The following RTL4 variants were observed in gnomAD, a reference collection of about 807,000 sequenced individuals.
RTL4 encodes retrotransposon Gag like 4, also known as retrotransposon Gag-like protein 4.
Under a neutral mutation model 5.3 loss-of-function variants are expected in RTL4, and 4 were observed. The observed-to-expected ratio is 0.75, with a 90% CI of 0.37 to 1.72. The LOEUF is 1.72. Among genes scored for constraint, RTL4 ranks in the 40% most tolerant of loss-of-function variants. The pLI is 0.04. For missense variants in RTL4, 260 were observed against 227.1 expected, an observed-to-expected ratio of 1.14 and a Z score of -0.93; for synonymous variants, 98 against 87.3, an observed-to-expected ratio of 1.12 and a Z score of -0.68.
the RTL4 span, among the ~76,000 whole-genome samples, chrX:112,329,796 A>C: frequency 2.7e-5 from 3 of 111,508 alleles, no homozygotes; most frequent in South Asian, 7.6e-4. Flanking sequence ...CAGCACATCA[A>C]AAAGCTTATC....
chrX:112,353,328 A>C, the RTL4 span, among the ~76,000 whole-genome samples: 4 of 111,625 alleles, frequency 3.6e-5, no homozygotes, highest in African/African-American at 1.3e-4. Context: ...CCATCCTATT[A>C]CTGGGCATAT....
exon 1 of RTL4, chrX:112,456,972 A>C (rs1926855967): frequency 8.1e-6 from 1 of 123,263 alleles, no homozygotes; most frequent in Non-Finnish European, 1.9e-5. Context: ...ACTCCCTAAA[A>C]TGTTAAAACT....
chrX:112,259,948 A>G, the RTL4 span, among the ~76,000 whole-genome samples: 1 of 112,150 alleles, frequency 8.9e-6, no homozygotes, highest in South Asian at 3.7e-4. Flanking sequence ...TTGGATTATT[A>G]TAGAAGGGAA....
At chrX:112,410,622 T>C in the RTL4 span, among the ~76,000 whole-genome samples, 3 of 111,612 alleles carry the variant, frequency 2.7e-5, no homozygotes, top group Admixed American at 1.9e-4. Flanking sequence ...AACAATATGC[T>C]CCAGAATGAC....
the RTL4 span, among the ~76,000 whole-genome samples, chrX:112,226,688 C>T: frequency 1.1e-5 from 1 of 91,331 alleles, no homozygotes; most frequent in Non-Finnish European, 2.2e-5. Flanking sequence ...CATTAAATGC[C>T]CAATAAATGG....
chrX:112,096,476 G>A, the RTL4 span, among the ~76,000 whole-genome samples: 2,682 of 111,451 alleles, frequency 0.024, 95 homozygotes, highest in African/African-American at 0.083. Context: ...ATCCAGGCAC[G>A]TCAACAGCAT....
the RTL4 span, among the ~76,000 whole-genome samples, chrX:112,412,318 TAAC>T: frequency 0.15 from 16,107 of 110,764 alleles, 1,016 homozygotes; most frequent in East Asian, 0.25. Flanking sequence ...TCTATTAAAA[TAAC>T]AATGATATTC....
chrX:112,199,288 CAA>C, the RTL4 span, among the ~76,000 whole-genome samples: 632 of 34,134 alleles, frequency 0.019, 8 homozygotes, highest in African/African-American at 0.06. Flanking sequence ...GGCTCCGTCT[CAA>C]AAAAAAAAAA....
the RTL4 span, among the ~76,000 whole-genome samples, chrX:112,137,002 A>G: frequency 8.9e-6 from 1 of 111,819 alleles, no homozygotes; most frequent in Non-Finnish European, 1.9e-5. Context: ...AAGCAAAAAT[A>G]GACAAGTGAA....
the RTL4 span, among the ~76,000 whole-genome samples, chrX:112,183,225 A>C: frequency 9.6e-4 from 108 of 112,407 alleles, no homozygotes; most frequent in Non-Finnish European, 1.8e-3. Flanking sequence ...AATTGCAAAG[A>C]CCATTGACAC....
the RTL4 span, among the ~76,000 whole-genome samples, chrX:112,339,630 A>C: frequency 8.9e-6 from 1 of 112,480 alleles, no homozygotes; most frequent in African/African-American, 3.2e-5. Context: ...CAACCACCAC[A>C]TCATGGGCGC....
At chrX:112,236,420 TATATATAGATATAG>T in the RTL4 span, among the ~76,000 whole-genome samples, 1 of 56,367 alleles carries the variant, frequency 1.8e-5, no homozygotes, top group Non-Finnish European at 3.4e-5. Flanking sequence ...GATCTATATC[TATATATAGATATAG>T]ATCTATATCT....
At chrX:112,212,344 C>A in the RTL4 span, among the ~76,000 whole-genome samples, 4 of 111,552 alleles carry the variant, frequency 3.6e-5, no homozygotes, top group Non-Finnish European at 7.6e-5. Context: ...CCACTGCACT[C>A]CAGCCTGGGC....
At chrX:112,361,406 G>T in the RTL4 span, among the ~76,000 whole-genome samples, 1 of 111,096 alleles carries the variant, frequency 9.0e-6, no homozygotes, top group South Asian at 3.8e-4. Context: ...TACCCACGGG[G>T]ATAGATAACT....
chrX:112,325,327 G>C, the RTL4 span, among the ~76,000 whole-genome samples: 2 of 111,623 alleles, frequency 1.8e-5, no homozygotes, highest in African/African-American at 6.5e-5. Flanking sequence ...AATCAAAAAA[G>C]AGCCCACATT....
chrX:112,232,060 G>C, the RTL4 span, among the ~76,000 whole-genome samples: 1 of 110,752 alleles, frequency 9.0e-6, no homozygotes, highest in African/African-American at 3.3e-5. Context: ...GCTTGGGGTT[G>C]ACAGGTATTT....
chrX:112,232,688 G>T, the RTL4 span, among the ~76,000 whole-genome samples: 1 of 111,960 alleles, frequency 8.9e-6, no homozygotes, highest in African/African-American at 3.2e-5. Flanking sequence ...TTTCCCATTT[G>T]GTCACAGCAG....
chrX:112,332,675 C>G, the RTL4 span, among the ~76,000 whole-genome samples: 3 of 62,904 alleles, frequency 4.8e-5, no homozygotes, highest in East Asian at 1.6e-3. Context: ...ACATTGGGGC[C>G]TGTTGTGGGG....
chrX:112,244,766 A>G, the RTL4 span, among the ~76,000 whole-genome samples: 1 of 111,616 alleles, frequency 9.0e-6, no homozygotes, highest in Non-Finnish European at 1.9e-5. Flanking sequence ...TTGCCTGTTC[A>G]TTGATGCAGT....
Sources: gnomAD v4.1 joint callset for allele counts (sites outside exome capture counted in the v4.1 genomes callset) on GRCh38, gnomAD v4.1.1 for gene constraint, MANE v1.5 for transcripts, NCBI Gene and HGNC (gene_info 2026-07-23, HGNC 2026-07-21) for gene names.